ANK3: variants seen among roughly 807,000 people sequenced by gnomAD.
ANK3 encodes the protein ankyrin 3, also known as ankyrin-3.
ANK3 carries 57 observed loss-of-function variants against 370.9 expected under a neutral mutation model. The ratio of observed to expected loss-of-function variants is 0.15; its 90% CI spans 0.12 to 0.19. ANK3 has a LOEUF of 0.19. ANK3 is among the 10% of genes least tolerant of loss of function. The probability of loss-of-function intolerance (pLI) is 1.00; values close to 1 mark genes in which losing one functional copy is unlikely to be tolerated. For synonymous variants in ANK3, 1,929 were observed against 1,946.3 expected (o/e 0.99, Z 0.23); for missense variants, 4,439 against 5,302.1 (o/e 0.84, Z 5.06).
intron 7 of ANK3, among the ~76,000 whole-genome samples, chr10:60,250,843 C>T (rs887755496): frequency 5.3e-5 from 8 of 152,174 alleles, no homozygotes; most frequent in African/African-American, 1.9e-4. Flanking sequence ...TAATTTATCT[C>T]ACAAGCCTGG....
intron 2 of ANK3, among the ~76,000 whole-genome samples, chr10:60,495,549 C>T (rs1366245200): frequency 2.0e-5 from 3 of 152,110 alleles, no homozygotes; most frequent in Admixed American, 2.0e-4. Flanking sequence ...GAGTGCAATG[C>T]TTAATTGCTC....
intron 1 of ANK3, among the ~76,000 whole-genome samples, chr10:60,697,262 A>G (rs1278644810): frequency 1.3e-5 from 2 of 151,138 alleles, no homozygotes; most frequent in Non-Finnish European, 3.0e-5. Flanking sequence ...GAGGATACAA[A>G]CAAATGGAAG....
intron 2 of ANK3, among the ~76,000 whole-genome samples, chr10:60,575,778 G>A (rs921254678): frequency 6.6e-6 from 1 of 151,980 alleles, no homozygotes; most frequent in African/African-American, 2.4e-5. Context: ...TTATAAAATA[G>A]GGCAAATTTC....
chr10:60,162,012 CATATACCCCATAA>C (rs1429694856), intron 23 of ANK3, among the ~76,000 whole-genome samples: 1 of 152,144 alleles, frequency 6.6e-6, no homozygotes, highest in Admixed American at 6.6e-5. Context: ...CAAAATATCA[CATATACCCCATAA>C]ATATGTACAA....
chr10:60,629,377 T>C (rs996815200), intron 1 of ANK3, among the ~76,000 whole-genome samples: 3 of 152,186 alleles, frequency 2.0e-5, no homozygotes, highest in Non-Finnish European at 4.4e-5. Flanking sequence ...GCATCATATT[T>C]AAAATATCTG....
chr10:60,575,975 T>C (rs2077677475), intron 2 of ANK3, among the ~76,000 whole-genome samples: 2 of 152,186 alleles, frequency 1.3e-5, no homozygotes, highest in African/African-American at 4.8e-5. Context: ...AAAGAGTAAT[T>C]TGATTGACCT....
In ANK3 at chr10:60,299,520, C is replaced by T. The variant is rs183306910; in HGVS notation, c.115-19881G>A. On this transcript the variant is annotated intron_variant, in intron 1 of 43. Coordinates refer to ENST00000280772, the MANE Select transcript of ANK3 (RefSeq NM_020987.5). Reference sequence around the variant, plus strand: ...TCTAAGGTGTTCTCAGAGTTAGATACACTGATGTTAACTGTGTAACATCAC... The same window carrying T: ...TCTAAGGTGTTCTCAGAGTTAGATATACTGATGTTAACTGTGTAACATCAC... 4.1e-3 allele frequency among the ~76,000 whole-genome samples: 619 copies of T among 152,272 alleles called. 2 individuals are homozygous for T. The highest frequency in any genetic ancestry group is 0.01 in the Middle Eastern group (3 of 294).
At chr10:60,470,975 T>C (rs992109788) in intron 2 of ANK3, among the ~76,000 whole-genome samples, 1 of 152,120 alleles carries the variant, frequency 6.6e-6, no homozygotes, top group Non-Finnish European at 1.5e-5. Flanking sequence ...GGATATGTCT[T>C]TTATCTCCCC....
intron 2 of ANK3, among the ~76,000 whole-genome samples, chr10:60,529,262 TGA>T (rs1373277325): frequency 6.6e-6 from 1 of 152,104 alleles, no homozygotes; most frequent in African/African-American, 2.4e-5. Flanking sequence ...TCATCAGGCC[TGA>T]GTGTGCTTTT....
At chr10:60,213,076 G>A (rs899901294) in intron 9 of ANK3, among the ~76,000 whole-genome samples, 2 of 151,974 alleles carry the variant, frequency 1.3e-5, no homozygotes, top group Non-Finnish European at 1.5e-5. Context: ...GAAGATAGCC[G>A]GCACCCAAAC....
chr10:60,078,562 T>C (rs953096767), intron 36 of ANK3, among the ~76,000 whole-genome samples: 1 of 152,212 alleles, frequency 6.6e-6, no homozygotes, highest in African/African-American at 2.4e-5. Flanking sequence ...ACCACGTCTA[T>C]GGTTTTATAC....
Position 60,595,706 on chromosome 10 carries a change from G to A in ANK3, c.96+19480C>T, listed in dbSNP as rs75707835. Among the ~76,000 whole-genome samples, 549 of 152,200 alleles carry A rather than the reference G, an allele frequency of 3.6e-3. 4 individuals are homozygous for A. Among genetic ancestry groups the A allele is most frequent in the Non-Finnish European group, 6.3e-3 (430 of 68,012 alleles). ...CTAGAAGGGGGTTTATTTTAGGGAGGAACTGTTATCTTTGTTTCAAAGTTA... is the reference window on the plus strand; with the variant it reads ...CTAGAAGGGGGTTTATTTTAGGGAGAAACTGTTATCTTTGTTTCAAAGTTA... On this transcript the variant is annotated intron_variant, in intron 2 of 43. Coordinates refer to the ANK3 transcript ENST00000373827.
chr10:60,277,010 C>T (rs76205728), intron 4 of ANK3, among the ~76,000 whole-genome samples: 1 of 152,178 alleles, frequency 6.6e-6, no homozygotes, highest in East Asian at 1.9e-4. Context: ...AGCATTATTA[C>T]TCCAAGAGAA....
intron 1 of ANK3, among the ~76,000 whole-genome samples, chr10:60,664,885 G>A (rs1036297655): frequency 1.1e-4 from 17 of 152,324 alleles, no homozygotes; most frequent in African/African-American, 4.1e-4. Flanking sequence ...AGTAAAATGT[G>A]AGGGATTTAA....
intron 7 of ANK3, among the ~76,000 whole-genome samples, chr10:60,258,062 A>T (rs10994289): frequency 6.6e-6 from 1 of 152,186 alleles, no homozygotes; most frequent in African/African-American, 2.4e-5. Flanking sequence ...ACATAATACA[A>T]TTTGGCCTTT....
chr10:60,301,150 CTG>C (rs1415870478), intron 1 of ANK3, among the ~76,000 whole-genome samples: 4 of 144,394 alleles, frequency 2.8e-5, no homozygotes, highest in Non-Finnish European at 4.5e-5. Flanking sequence ...ATATATGTAT[CTG>C]TGTGTGTATA....
At chr10:60,338,853 C>T (rs1000191547) in intron 1 of ANK3, among the ~76,000 whole-genome samples, 9 of 152,182 alleles carry the variant, frequency 5.9e-5, no homozygotes, top group African/African-American at 2.2e-4. Flanking sequence ...AAAATGCAAT[C>T]TACTCAGAGG....
At chr10:60,082,776 C>T in intron 33 of ANK3, 39 bp from the exon 34 acceptor site, 1 of 1,594,836 alleles carries the variant, frequency 6.3e-7, no homozygotes, top group Non-Finnish European at 8.5e-7. Context: ...TAGAATGAGA[C>T]TTATCTGAGG....
At position 60,166,881 on chromosome 10, in the gene ANK3, G is replaced by C; in HGVS notation, c.2494C>G (p.His832Asp). ...ATCGTTTCTGGAACATTCATTTTGT[G>C]CTTCTCTGTGACAGTCTAGTAACAA... ...TMTTTTVTEKHKMNVPETMNE... is the reference protein window; with the variant it reads ...TMTTTTVTEKDKMNVPETMNE... Residue 832 changes from histidine (H) to aspartate (D), a missense_variant, in exon 22 of 44, where the codon CAC becomes GAC. Physicochemically the swap from His to Asp is moderately conservative, Grantham distance 81. Around this residue, in one of 13 missense-constraint regions of ANK3, gnomAD observed 702 missense variants for 941.5 expected, o/e 0.75. Transcript: ENST00000280772. 1 of 1,613,888 alleles carries C rather than the reference G, an allele frequency of 6.2e-7. No homozygotes were observed. Among genetic ancestry groups the C allele is most frequent in the South Asian group, 1.1e-5 (1 of 91,076 alleles).
Sources: allele counts gnomAD v4.1 joint callset (sites outside exome capture counted in the v4.1 genomes callset), GRCh38; gene constraint gnomAD v4.1.1; regional missense constraint gnomAD v4.1.1; transcripts MANE v1.5; gene names NCBI Gene and HGNC (gene_info 2026-07-23, HGNC 2026-07-21).